The following ARHGAP24 variants were observed in gnomAD, a reference collection of about 807,000 sequenced individuals.
ARHGAP24 encodes rho GTPase-activating protein 24.
A neutral mutation model predicts 76.4 loss-of-function variants in ARHGAP24; 50 were observed. The observed-to-expected ratio is 0.65, with a 90% CI of 0.52 to 0.83. The LOEUF is 0.83. ARHGAP24 is among the 40% of genes least tolerant of loss of function. The probability of loss-of-function intolerance (pLI) is 0.00; values close to 1 mark genes in which losing one functional copy is unlikely to be tolerated. For synonymous variants in ARHGAP24, 345 were observed against 323.3 expected (o/e 1.07, Z -0.72); for missense variants, 930 against 914.2 (o/e 1.02, Z -0.22).
intron 5 of ARHGAP24, among the ~76,000 whole-genome samples, chr4:85,964,258 C>T (rs969285882): frequency 6.6e-6 from 1 of 151,722 alleles, no homozygotes; most frequent in Non-Finnish European, 1.5e-5. Context: ...AGGTTTCTTG[C>T]TTGTTTGTGT....
At chr4:85,636,614 C>T (rs1193905431) in intron 2 of ARHGAP24, among the ~76,000 whole-genome samples, 1 of 151,840 alleles carries the variant, frequency 6.6e-6, no homozygotes, top group Non-Finnish European at 1.5e-5. Context: ...TACGCCTTGA[C>T]ACTACATTGC....
intron 8 of ARHGAP24, among the ~76,000 whole-genome samples, chr4:85,979,170 C>G (rs2148857866): frequency 6.6e-6 from 1 of 152,226 alleles, no homozygotes; most frequent in South Asian, 2.1e-4. Flanking sequence ...TTGGCGTGAC[C>G]TTTGATTGTG....
intron 3 of ARHGAP24, among the ~76,000 whole-genome samples, chr4:85,803,456 G>A (rs980125865): frequency 3.3e-5 from 5 of 152,186 alleles, no homozygotes; most frequent in Admixed American, 1.3e-4. Flanking sequence ...AAGGGACAGC[G>A]TAACACTTTC....
intron 7 of ARHGAP24, among the ~76,000 whole-genome samples, chr4:85,976,431 T>C (rs7692147): frequency 1.3e-5 from 2 of 152,218 alleles, no homozygotes; most frequent in East Asian, 3.8e-4. Context: ...ATGACTCTCA[T>C]CTGTAAAACA....
intron 2 of ARHGAP24, among the ~76,000 whole-genome samples, chr4:85,716,921 TC>T (rs1724753493): frequency 6.6e-6 from 1 of 152,074 alleles, no homozygotes; most frequent in African/African-American, 2.4e-5. Flanking sequence ...TCTTGACCTG[TC>T]TCTCTTGTGC....
intron 3 of ARHGAP24, among the ~76,000 whole-genome samples, chr4:85,744,473 A>C (rs1347223907): frequency 1.3e-5 from 2 of 152,234 alleles, no homozygotes; most frequent in African/African-American, 4.8e-5. Context: ...AAATGAGAGC[A>C]AAAAATTAGT....
At chr4:85,838,490 T>G (rs1366621870) in intron 3 of ARHGAP24, among the ~76,000 whole-genome samples, 2 of 152,072 alleles carry the variant, frequency 1.3e-5, no homozygotes, top group Non-Finnish European at 2.9e-5. Context: ...TCCCAGCTAC[T>G]TGGGAGGCTG....
chr4:85,742,266 GAT>G (rs1445212070), intron 3 of ARHGAP24, among the ~76,000 whole-genome samples: 36 of 152,214 alleles, frequency 2.4e-4, no homozygotes. Flanking sequence ...ACTGAGCCGA[GAT>G]ACTGATGATG....
At chr4:85,894,822 G>T (rs1387521086) in intron 3 of ARHGAP24, among the ~76,000 whole-genome samples, 1 of 151,650 alleles carries the variant, frequency 6.6e-6, no homozygotes, top group Non-Finnish European at 1.5e-5. Flanking sequence ...TTAGCTGGGC[G>T]TGGAGTCACA....
At chr4:85,753,991 C>G (rs913439660) in intron 3 of ARHGAP24, among the ~76,000 whole-genome samples, 47 of 152,168 alleles carry the variant, frequency 3.1e-4, no homozygotes, top group Non-Finnish European at 5.9e-4. Context: ...TTCTATTGCC[C>G]TCTATTGAAT....
intron 3 of ARHGAP24, among the ~76,000 whole-genome samples, chr4:85,876,658 A>C (rs1732954287): frequency 6.6e-6 from 1 of 152,178 alleles, no homozygotes; most frequent in Admixed American, 6.5e-5. Flanking sequence ...ATCTTCTATA[A>C]AAATAACATA....
intron 3 of ARHGAP24, among the ~76,000 whole-genome samples, chr4:85,838,457 G>T (rs1033696831): frequency 2.0e-5 from 3 of 152,176 alleles, no homozygotes; most frequent in South Asian, 2.1e-4. Flanking sequence ...CAATTAGCCA[G>T]TCATGGTGGT....
intron 1 of ARHGAP24, among the ~76,000 whole-genome samples, chr4:85,492,022 CT>C (rs1560507162): frequency 6.6e-6 from 1 of 151,758 alleles, no homozygotes. Flanking sequence ...CATTTTGGTT[CT>C]TTTTATTTCC....
At chr4:85,885,704 C>A (rs1365800689) in intron 3 of ARHGAP24, among the ~76,000 whole-genome samples, 2 of 151,940 alleles carry the variant, frequency 1.3e-5, no homozygotes, top group East Asian at 3.9e-4. Flanking sequence ...CCATCTATTT[C>A]CAAATATTTG....
At chr4:85,744,099 T>C (rs1725937116) in intron 3 of ARHGAP24, among the ~76,000 whole-genome samples, 1 of 152,230 alleles carries the variant, frequency 6.6e-6, no homozygotes, top group South Asian at 2.1e-4. Context: ...TGTAGATGCA[T>C]CTGTTTCCAG....
intron 5 of ARHGAP24, among the ~76,000 whole-genome samples, chr4:85,949,599 C>T (rs946160841): frequency 1.4e-4 from 22 of 152,234 alleles, no homozygotes; most frequent in African/African-American, 3.9e-4. Flanking sequence ...CTCTTTACAC[C>T]GTGGCTCAGT....
In ARHGAP24 at chr4:85,830,706, C is replaced by T. The variant is rs1178272235; in HGVS notation, c.269-92942C>T. ...TTACTTCTAGATTCCTTAAATTAGGCCTCGGTTTTTTGGAGAGAAGAAACC... is the reference window on the plus strand; with the variant it reads ...TTACTTCTAGATTCCTTAAATTAGGTCTCGGTTTTTTGGAGAGAAGAAACC... On this transcript the variant is annotated intron_variant, in intron 3 of 9. Transcript: ENST00000395184. Among the ~76,000 whole-genome samples the T allele has an allele frequency of 2.6e-5, 4 of 152,252 alleles. No homozygotes were observed. The East Asian group carries it at 7.7e-4, about 29-fold the overall frequency.
At chr4:85,582,554 A>G (rs1727661706) in intron 2 of ARHGAP24, among the ~76,000 whole-genome samples, 1 of 152,114 alleles carries the variant, frequency 6.6e-6, no homozygotes, top group South Asian at 2.1e-4. Context: ...ATTAGACTGT[A>G]GTTTACTGCT....
chr4:85,944,938 C>T (rs1040738156), intron 5 of ARHGAP24, among the ~76,000 whole-genome samples: 9 of 152,166 alleles, frequency 5.9e-5, no homozygotes, highest in Non-Finnish European at 1.0e-4. Context: ...ACCTCCACCT[C>T]CTGGGTTCAA....
Sources: allele counts gnomAD v4.1 joint callset (sites outside exome capture counted in the v4.1 genomes callset), GRCh38; gene constraint gnomAD v4.1.1; transcripts MANE v1.5; gene names NCBI Gene and HGNC (gene_info 2026-07-23, HGNC 2026-07-21).